Variants in MARCHF11 observed in about 807,000 individuals in gnomAD.
MARCHF11 encodes the protein membrane associated ring-CH-type finger 11.
A neutral mutation model predicts 37.3 loss-of-function variants in MARCHF11; 29 were observed. That is an observed-to-expected ratio of 0.78 (90% CI 0.58 to 1.06). The LOEUF (loss-of-function observed/expected upper bound fraction) is 1.06, where lower values mean the gene tolerates loss of function less well. Ranked by LOEUF, MARCHF11 falls within the 50% of genes least tolerant of loss-of-function variation. MARCHF11 has a pLI of 0.00. For missense variants in MARCHF11, 482 were observed against 533.4 expected, an observed-to-expected ratio of 0.90 and a Z score of 0.95; for synonymous variants, 233 against 228.0, an observed-to-expected ratio of 1.02 and a Z score of -0.20.
At chr5:16,071,159 C>T (rs1264236608) in intron 3 of MARCHF11, among the ~76,000 whole-genome samples, 2 of 152,148 alleles carry the variant, frequency 1.3e-5, no homozygotes, top group Non-Finnish European at 2.9e-5. Flanking sequence ...AGTTCATATG[C>T]GAACAGGCTG....
At chr5:16,145,281 G>T (rs1253980934) in intron 2 of MARCHF11, among the ~76,000 whole-genome samples, 2 of 152,142 alleles carry the variant, frequency 1.3e-5, no homozygotes, top group Non-Finnish European at 2.9e-5. Context: ...GGGTTGGTAG[G>T]TGGGGCCAGG....
intron 3 of MARCHF11, among the ~76,000 whole-genome samples, chr5:16,082,321 G>A (rs1203149093): frequency 6.6e-6 from 1 of 152,192 alleles, no homozygotes; most frequent in Admixed American, 6.5e-5. Context: ...AAGATAGTCT[G>A]AAGCCAGGAA....
chr5:16,079,089 T>G (rs1736565293), intron 3 of MARCHF11, among the ~76,000 whole-genome samples: 1 of 152,156 alleles, frequency 6.6e-6, no homozygotes, highest in African/African-American at 2.4e-5. Flanking sequence ...CTGAGCCTGC[T>G]CCATCCCCCT....
intron 2 of MARCHF11, among the ~76,000 whole-genome samples, chr5:16,112,479 C>G (rs1737159834): frequency 1.3e-5 from 2 of 152,152 alleles, no homozygotes. Context: ...TTTGTTTCAG[C>G]TTTTTTCTCC....
At chr5:16,114,126 A>AT (rs1369652972) in intron 2 of MARCHF11, among the ~76,000 whole-genome samples, 1 of 152,016 alleles carries the variant, frequency 6.6e-6, no homozygotes, top group Non-Finnish European at 1.5e-5. Flanking sequence ...ACAAGATTTC[A>AT]TTTTTTTATG....
intron 2 of MARCHF11, among the ~76,000 whole-genome samples, chr5:16,116,386 T>C (rs1202819743): frequency 6.6e-6 from 1 of 151,822 alleles, no homozygotes; most frequent in South Asian, 2.1e-4. Context: ...TAACAAGGAG[T>C]TGAGATTGCA....
chr5:16,170,349 G>T (rs768832505), intron 2 of MARCHF11, among the ~76,000 whole-genome samples: 14 of 151,054 alleles, frequency 9.3e-5, no homozygotes, highest in Non-Finnish European at 2.1e-4. Flanking sequence ...TTTGAAAAGA[G>T]CAGATATGTC....
chr5:16,171,759 G>A (rs1240968856), intron 2 of MARCHF11, among the ~76,000 whole-genome samples: 4 of 152,092 alleles, frequency 2.6e-5, no homozygotes, highest in African/African-American at 4.8e-5. Flanking sequence ...ATGTTATCAA[G>A]TGAAGACAGT....
intron 2 of MARCHF11, among the ~76,000 whole-genome samples, chr5:16,171,457 C>T (rs575545396): frequency 9.2e-5 from 14 of 152,150 alleles, no homozygotes; most frequent in African/African-American, 3.1e-4. Context: ...GAACCCAGCT[C>T]GCTACCTGTT....
chr5:16,080,144 G>A (rs1423908304), intron 3 of MARCHF11, among the ~76,000 whole-genome samples: 1 of 152,066 alleles, frequency 6.6e-6, no homozygotes, highest in East Asian at 1.9e-4. Context: ...ACCCCCTTCT[G>A]CCCATCCCAG....
chr5:16,169,810 G>A (rs1336249903), intron 2 of MARCHF11, among the ~76,000 whole-genome samples: 1 of 152,118 alleles, frequency 6.6e-6, no homozygotes, highest in East Asian at 1.9e-4. Context: ...CTACTCATCA[G>A]TCCATTCCCT....
chr5:16,132,029 G>C (rs905596752), intron 2 of MARCHF11, among the ~76,000 whole-genome samples: 5 of 152,354 alleles, frequency 3.3e-5, no homozygotes, highest in South Asian at 2.1e-4. Flanking sequence ...CTGGCTACGG[G>C]GGATTCATTT....
chr5:16,164,724 A>C (rs1738141827), intron 2 of MARCHF11, among the ~76,000 whole-genome samples: 1 of 152,106 alleles, frequency 6.6e-6, no homozygotes, highest in Admixed American at 6.6e-5. Context: ...GCCAAAAATA[A>C]ATTGTAAAAC....
At chr5:16,169,492 A>T (rs140055585) in intron 2 of MARCHF11, among the ~76,000 whole-genome samples, 1 of 152,220 alleles carries the variant, frequency 6.6e-6, no homozygotes, top group East Asian at 1.9e-4. Flanking sequence ...TTTTCAAAGC[A>T]TTCCACTCCT....
Position 16,070,888 on chromosome 5 carries a change from T to G in MARCHF11, c.887-3095A>C, listed in dbSNP as rs188780575. On this transcript the variant is annotated intron_variant, in intron 3 of 3. Coordinates refer to ENST00000332432, the MANE Select transcript of MARCHF11 (RefSeq NM_001102562.3). ...TCCTTGGCCTCTGCAAGCTCAGATT[T>G]TACTGAAATGCAATGAATTCCATTC... is the stretch of plus-strand genomic sequence containing the variant. Among the ~76,000 whole-genome samples, 114 of 152,328 alleles carry G rather than the reference T, an allele frequency of 7.5e-4. 2 individuals are homozygous for G. The highest frequency in any genetic ancestry group is 6.1e-3 in the Admixed American group (93 of 15,288).
intron 3 of MARCHF11, among the ~76,000 whole-genome samples, chr5:16,083,393 CT>C (rs754065435): frequency 6.6e-6 from 1 of 152,078 alleles, no homozygotes; most frequent in Non-Finnish European, 1.5e-5. Flanking sequence ...TTGAAACTAC[CT>C]GATAAATTTC....
intron 2 of MARCHF11, among the ~76,000 whole-genome samples, chr5:16,149,729 C>T (rs750546402): frequency 8.9e-4 from 135 of 152,076 alleles, no homozygotes; most frequent in Non-Finnish European, 3.5e-4. Context: ...TCTTGTGCTT[C>T]GACCATCTCC....
Position 16,067,549 on chromosome 5 carries a change from G to A in MARCHF11, c.1131C>T (p.Phe377=), listed in dbSNP as rs1379524439. 2.5e-6 allele frequency: 4 copies of A among 1,613,780 alleles called. No individual in the cohort carries two copies. The highest frequency in any genetic ancestry group is 3.4e-6 in the Non-Finnish European group (4 of 1,179,864). The change falls in exon 4 of 4, where the codon TTC becomes TTT. Residue 377 remains phenylalanine, a synonymous_variant. Transcript: ENST00000332432. ...FQCGYVLLHL[F]NRMRPHEDLS... ...AGTCTTCATGGGGCCTCATCCGATTGAACAGGTGCAATAACACATAGCCAC... is the reference window on the plus strand; with the variant it reads ...AGTCTTCATGGGGCCTCATCCGATTAAACAGGTGCAATAACACATAGCCAC...
At chr5:16,113,680 G>GAA (rs1180577497) in intron 2 of MARCHF11, among the ~76,000 whole-genome samples, 1 of 152,038 alleles carries the variant, frequency 6.6e-6, no homozygotes, top group Non-Finnish European at 1.5e-5. Context: ...AATATTTATA[G>GAA]ATATATATGG....
Sources: allele counts gnomAD v4.1 joint callset (sites outside exome capture counted in the v4.1 genomes callset), GRCh38; gene constraint gnomAD v4.1.1; transcripts MANE v1.5; gene names NCBI Gene and HGNC (gene_info 2026-07-23, HGNC 2026-07-21).